Variants in TMEM181 observed in about 807,000 individuals in gnomAD.
The protein encoded by TMEM181 is G protein-coupled receptor 178.
A neutral mutation model predicts 71.9 loss-of-function variants in TMEM181; 39 were observed. That is an observed-to-expected ratio of 0.54 (90% CI 0.42 to 0.71). The LOEUF is 0.71. TMEM181 is among the 30% of genes least tolerant of loss of function. TMEM181 has a pLI of 0.00. For synonymous variants in TMEM181, 245 were observed against 228.8 expected (o/e 1.07, Z -0.64); for missense variants, 595 against 583.0 (o/e 1.02, Z -0.21).
At chr6:158,565,165 A>G (rs1782416180) in intron 1 of TMEM181, among the ~76,000 whole-genome samples, 1 of 151,852 alleles carries the variant, frequency 6.6e-6, no homozygotes, top group African/African-American at 2.4e-5. Flanking sequence ...TGTTCTCACG[A>G]CCTCTGCTTA....
At chr6:158,576,099 G>C (rs1783138153) in intron 2 of TMEM181, among the ~76,000 whole-genome samples, 1 of 152,198 alleles carries the variant, frequency 6.6e-6, no homozygotes, top group African/African-American at 2.4e-5. Flanking sequence ...TGCAGTGGCA[G>C]AATCTGTATG....
chr6:158,573,178 G>A (rs1782971064), intron 1 of TMEM181, among the ~76,000 whole-genome samples: 1 of 152,286 alleles, frequency 6.6e-6, no homozygotes, highest in East Asian at 1.9e-4. Context: ...GCAGACCGCG[G>A]TGGCTGGTGT....
Position 158,632,266 on chromosome 6 carries a change from G to A in TMEM181, c.*378G>A, listed in dbSNP as rs764009528. On this transcript the variant is annotated 3_prime_UTR_variant, in exon 17 of 17. Transcript: ENST00000684151. The stretch of plus-strand genomic sequence containing the variant: ...GGCAGCCTGTGACTAGGTCCTCAGC[G>A]TGACAGCATCACCCTCTTTCTTCCC... 5 of 225,428 alleles carry A rather than the reference G, an allele frequency of 2.2e-5. No homozygotes were observed. Among genetic ancestry groups the A allele is most frequent in the Admixed American group, 5.2e-5 (1 of 19,168 alleles). The allele number at this position is 225,428 out of a possible 1,614,324, so 14.0% of individuals were successfully genotyped here.
chr6:158,565,330 T>TG (rs1357903660), intron 1 of TMEM181, among the ~76,000 whole-genome samples: 2 of 151,956 alleles, frequency 1.3e-5, no homozygotes, highest in Non-Finnish European at 2.9e-5. Flanking sequence ...TGGGCAAAGT[T>TG]GTGTTGGTGC....
intron 1 of TMEM181, among the ~76,000 whole-genome samples, chr6:158,551,829 G>C (rs1054741375): frequency 6.6e-6 from 1 of 152,160 alleles, no homozygotes; most frequent in East Asian, 1.9e-4. Flanking sequence ...CTGATCACCT[G>C]ACAAAGTTTC....
chr6:158,604,717 A>C (rs1784851103), intron 6 of TMEM181, among the ~76,000 whole-genome samples: 1 of 152,200 alleles, frequency 6.6e-6, no homozygotes, highest in Non-Finnish European at 1.5e-5. Context: ...ACATCTTTTA[A>C]AACTTTCTTT....
chr6:158,606,245 G>A (rs1318591079), intron 7 of TMEM181, among the ~76,000 whole-genome samples: 1 of 151,096 alleles, frequency 6.6e-6, no homozygotes, highest in African/African-American at 2.4e-5. Context: ...GGGCGTGGGC[G>A]CTAGAGCCAC....
chr6:158,608,580 A>G, intron 9 of TMEM181, 79 bp from the exon 10 acceptor site: 1 of 1,597,670 alleles, frequency 6.3e-7, no homozygotes, highest in Non-Finnish European at 8.5e-7. Context: ...GCAGGCCCAT[A>G]CTCAATGGAA....
chr6:158,628,247 TGTGCATCTGTGC>T (rs753804043), intron 13 of TMEM181, 149 bp from the exon 14 acceptor site: 185 of 723,846 alleles, frequency 2.6e-4, no homozygotes, highest in Non-Finnish European at 3.6e-4. Context: ...TGTGTGCATG[TGTGCATCTGTGC>T]GTGCATCTGT....
chr6:158,589,931 C>T (rs1420037869), intron 6 of TMEM181, 149 bp downstream of exon 6: 3 of 631,002 alleles, frequency 4.8e-6, no homozygotes, highest in African/African-American at 3.7e-5. Flanking sequence ...AGGAAAACTA[C>T]AGTTTCTTAA....
rs1373288390 is a variant in TMEM181, at chr6:158,570,121, C to T, written c.9-3299C>T. Among the ~76,000 whole-genome samples, 3 of 151,232 alleles carry T rather than the reference C, an allele frequency of 2.0e-5. No individual in the cohort carries two copies. In the East Asian group the frequency reaches 5.8e-4, roughly 29 times the overall value. On this transcript the variant is annotated intron_variant, in intron 1 of 16. Transcript: ENST00000684151. ...TTGGGACTGTGGCTGCCCCGGGGGA[C>T]GGGACCTCCGAGAACGTTGTAGTGG...
At chr6:158,617,733 T>G (rs549939940) in intron 10 of TMEM181, among the ~76,000 whole-genome samples, 3 of 152,022 alleles carry the variant, frequency 2.0e-5, no homozygotes, top group Non-Finnish European at 2.9e-5. Flanking sequence ...ATTTCGTCAT[T>G]TACCCAGTAG....
intron 10 of TMEM181, among the ~76,000 whole-genome samples, chr6:158,612,553 T>A (rs1785392580): frequency 6.6e-6 from 1 of 152,258 alleles, no homozygotes; most frequent in Non-Finnish European, 1.5e-5. Context: ...AGGAATGGGA[T>A]GACCCATGGT....
At chr6:158,591,073 C>T (rs1339065425) in intron 6 of TMEM181, among the ~76,000 whole-genome samples, 1 of 152,196 alleles carries the variant, frequency 6.6e-6, no homozygotes, top group African/African-American at 2.4e-5. Flanking sequence ...TGTTGTATTG[C>T]TAGACCACAT....
At position 158,560,197 on chromosome 6, in the gene TMEM181, G is replaced by T. The variant is rs1582940206; in HGVS notation, c.-28G>T. 1.0e-6 allele frequency: 1 copy of T among 984,852 alleles called. No homozygotes were observed. 61.0% of individuals were successfully genotyped at this position (984,852 alleles called of 1,614,324 possible). On this transcript the variant is annotated 5_prime_UTR_variant, in exon 1 of 17. Transcript: ENST00000684151. ...CGCCTGGCGGGCTCGGGACGCGCGG[G>T]CCGGGGCCGAGGGCTCTGGGCGCCG...
intron 6 of TMEM181, among the ~76,000 whole-genome samples, chr6:158,596,160 T>C (rs1348044045): frequency 1.3e-5 from 2 of 152,112 alleles, no homozygotes; most frequent in East Asian, 3.8e-4. Context: ...GACCTCATGA[T>C]CCGCCCGCCT....
At chr6:158,568,447 T>C (rs1198344014) in intron 1 of TMEM181, among the ~76,000 whole-genome samples, 1 of 151,844 alleles carries the variant, frequency 6.6e-6, no homozygotes, top group Non-Finnish European at 1.5e-5. Flanking sequence ...GGCAGGAGTC[T>C]AGGACTAGAG....
chr6:158,593,803 A>G (rs1375330325), intron 6 of TMEM181, among the ~76,000 whole-genome samples: 1 of 152,102 alleles, frequency 6.6e-6, no homozygotes, highest in Non-Finnish European at 1.5e-5. Flanking sequence ...GAAGGTACAG[A>G]GAGTTCCTAA....
intron 1 of TMEM181, among the ~76,000 whole-genome samples, chr6:158,537,348 G>C (rs1227442760): frequency 6.6e-6 from 1 of 152,120 alleles, no homozygotes; most frequent in South Asian, 2.1e-4. Flanking sequence ...AGGACGCCTC[G>C]GAGGCGGGGG....
Sources: allele counts gnomAD v4.1 joint callset (sites outside exome capture counted in the v4.1 genomes callset), GRCh38; gene constraint gnomAD v4.1.1; transcripts MANE v1.5; gene names NCBI Gene and HGNC (gene_info 2026-07-23, HGNC 2026-07-21).